The following PTPN1 variants were observed in gnomAD, a reference collection of about 807,000 sequenced individuals.
PTPN1 encodes protein tyrosine phosphatase non-receptor type 1.
In PTPN1, 12 loss-of-function variants were observed where a neutral mutation model predicts 59.9. The observed-to-expected ratio is 0.20, with a 90% CI of 0.13 to 0.32. PTPN1 has a LOEUF of 0.32. Ranked by LOEUF, PTPN1 falls within the 10% of genes least tolerant of loss-of-function variation. The pLI is 1.00. For synonymous variants in PTPN1, 178 were observed against 203.6 expected, an observed-to-expected ratio of 0.87 and a Z score of 1.07; for missense variants, 356 against 549.2, an observed-to-expected ratio of 0.65 and a Z score of 3.52.
chr20:50,517,638 T>G (rs1000750737), intron 1 of PTPN1, among the ~76,000 whole-genome samples: 16 of 152,218 alleles, frequency 1.1e-4, no homozygotes, highest in African/African-American at 3.6e-4. Flanking sequence ...CAGTAAGGTT[T>G]TATGGATACC....
rs917241392 is a variant in PTPN1 at position 50,582,011 on chromosome 20, C to G, written c.1284+551C>G. 3.3e-5 allele frequency among the ~76,000 whole-genome samples: 5 copies of G among 152,242 alleles called. No homozygotes were observed. In the East Asian group the frequency reaches 5.8e-4, roughly 18 times the overall value. On this transcript the variant is annotated intron_variant, in intron 9 of 9. Coordinates refer to ENST00000371621, the MANE Select transcript of PTPN1 (RefSeq NM_002827.4). This position sits in a 1 kb window ranked among gnomAD's most constrained non-coding sequence, Gnocchi z 4.2. ...TAGGACGCTGTTGCGCTCAAGCCCCCCTCAGCTGTGTGCACACTGAGCCAG... is the reference window on the plus strand; with the variant it reads ...TAGGACGCTGTTGCGCTCAAGCCCCGCTCAGCTGTGTGCACACTGAGCCAG...
At chr20:50,523,595 C>T (rs1222680965) in intron 1 of PTPN1, among the ~76,000 whole-genome samples, 2 of 152,198 alleles carry the variant, frequency 1.3e-5, no homozygotes, top group Non-Finnish European at 2.9e-5. Flanking sequence ...ACATGAACAG[C>T]TACTAGGTAC....
intron 5 of PTPN1, chr20:50,574,904 T>C (rs753477127): frequency 2.3e-6 from 1 of 437,980 alleles, no homozygotes; most frequent in South Asian, 3.3e-5. Context: ...AAGGAGAGTT[T>C]CTTACCCAAA....
At chr20:50,546,462 T>G (rs910041204) in intron 1 of PTPN1, among the ~76,000 whole-genome samples, 2 of 152,226 alleles carry the variant, frequency 1.3e-5, no homozygotes, top group African/African-American at 4.8e-5. Flanking sequence ...TGGTCGTATT[T>G]TATTCTTTGT....
intron 1 of PTPN1, among the ~76,000 whole-genome samples, chr20:50,532,650 T>C (rs2082606407): frequency 6.6e-6 from 1 of 152,202 alleles, no homozygotes; most frequent in Admixed American, 6.5e-5. Context: ...GTATGTATGG[T>C]ATTTAATATT....
At chr20:50,513,197 T>G (rs935285430) in intron 1 of PTPN1, among the ~76,000 whole-genome samples, 4 of 152,186 alleles carry the variant, frequency 2.6e-5, no homozygotes, top group African/African-American at 9.7e-5. Flanking sequence ...TCTTTAATGC[T>G]AATGAATAGC....
chr20:50,512,696 C>T (rs1381098466), intron 1 of PTPN1, among the ~76,000 whole-genome samples: 1 of 152,208 alleles, frequency 6.6e-6, no homozygotes, highest in East Asian at 1.9e-4. Flanking sequence ...AAATCAGAAG[C>T]TTTTCTCCTA....
intron 3 of PTPN1, among the ~76,000 whole-genome samples, chr20:50,566,607 C>A (rs1410391521): frequency 1.3e-5 from 2 of 152,132 alleles, no homozygotes; most frequent in Admixed American, 1.3e-4. Flanking sequence ...GAACACCCTT[C>A]CCATTTTTTT....
chr20:50,581,914 T>C (rs561125744), intron 9 of PTPN1, among the ~76,000 whole-genome samples: 11 of 152,224 alleles, frequency 7.2e-5, no homozygotes, highest in Non-Finnish European at 1.2e-4. Context: ...ATCAGCCATA[T>C]AATTTATATT....
intron 1 of PTPN1, among the ~76,000 whole-genome samples, chr20:50,518,665 C>A (rs1367245688): frequency 6.6e-6 from 1 of 151,980 alleles, no homozygotes; most frequent in African/African-American, 2.4e-5. Context: ...GTTGTTTTTA[C>A]TCTGAACTGA....
intron 3 of PTPN1, among the ~76,000 whole-genome samples, chr20:50,565,420 G>C (rs1282508426): frequency 1.3e-5 from 2 of 152,244 alleles, no homozygotes; most frequent in Non-Finnish European, 2.9e-5. Flanking sequence ...TAGAGCACTT[G>C]TGATGGCAAA....
At chr20:50,534,218 C>G (rs2082614006) in intron 1 of PTPN1, among the ~76,000 whole-genome samples, 1 of 152,118 alleles carries the variant, frequency 6.6e-6, no homozygotes, top group African/African-American at 2.4e-5. Context: ...GCCACTGCAC[C>G]CGGCCGAAGC....
chr20:50,560,713 G>A (rs565964497), intron 1 of PTPN1, among the ~76,000 whole-genome samples: 2 of 151,084 alleles, frequency 1.3e-5, no homozygotes, highest in African/African-American at 4.9e-5. Context: ...GTACATTCAC[G>A]TTGTGTGTAT....
chr20:50,581,376 C>T lies in PTPN1; in HGVS notation c.1200C>T (p.Asp400=). ...CGTCACTGCCCGAGAAGGACGAGGA[C>T]CATGCACTGAGTTACTGGAAGCCCT... ...GEPSLPEKDE[D]HALSYWKPFL... is the part of the protein sequence containing the mutation. Residue 400 remains aspartate (D), a synonymous_variant, in exon 9 of 10, where the codon GAC becomes GAT. Transcript: ENST00000371621. 1 of 1,614,152 alleles carries T rather than the reference C, an allele frequency of 6.2e-7. No individual in the cohort carries two copies. Among genetic ancestry groups the T allele is most frequent in the Non-Finnish European group, 8.5e-7 (1 of 1,179,990 alleles).
At chr20:50,561,918 C>T (rs975027916) in intron 2 of PTPN1, among the ~76,000 whole-genome samples, 1 of 152,186 alleles carries the variant, frequency 6.6e-6, no homozygotes, top group Non-Finnish European at 1.5e-5. Flanking sequence ...CGCCTCCACC[C>T]CCGCCAACCT....
chr20:50,522,062 A>T (rs1275686744), intron 1 of PTPN1, among the ~76,000 whole-genome samples: 1 of 152,224 alleles, frequency 6.6e-6, no homozygotes, highest in East Asian at 1.9e-4. Context: ...ATAAAATTGA[A>T]GCAAAGGGCT....
intron 3 of PTPN1, among the ~76,000 whole-genome samples, chr20:50,566,075 G>T (rs917193428): frequency 2.0e-5 from 3 of 152,088 alleles, no homozygotes; most frequent in African/African-American, 7.2e-5. Flanking sequence ...CAGTCCTATG[G>T]GGCCATTGAG....
At chr20:50,577,555 C>T (rs1022558238) in intron 5 of PTPN1, 1 of 152,324 alleles carries the variant, frequency 6.6e-6, no homozygotes, top group South Asian at 2.1e-4. Context: ...CGTACTCCCC[C>T]CAGTGAGGGC....
rs139744693 is a variant in PTPN1, at chr20:50,519,362, T to TA, written c.63+8773dup. On this transcript the variant is annotated intron_variant, in intron 1 of 9. Transcript: ENST00000371621. Reference sequence around the variant, plus strand: ...TTTAACAAACCCAGTGCCTTTTTTTTACCCATGAATACATATTTGTCAACT... The same window carrying TA: ...TTTAACAAACCCAGTGCCTTTTTTTTAACCCATGAATACATATTTGTCAACT... Among the ~76,000 whole-genome samples the TA allele has an allele frequency of 9.8e-4, 150 of 152,358 alleles. No homozygotes were observed. The East Asian group carries it at 0.024, about 24-fold the overall frequency.
Sources: gnomAD v4.1 joint callset for allele counts (sites outside exome capture counted in the v4.1 genomes callset) on GRCh38, gnomAD v4.1.1 for gene constraint, Gnocchi (gnomAD v3.1) non-coding constraint, MANE v1.5 for transcripts, NCBI Gene and HGNC (gene_info 2026-07-23, HGNC 2026-07-21) for gene names.